LRIT3: variants seen among roughly 807,000 people sequenced by gnomAD.
The protein encoded by LRIT3 is leucine-rich repeat, immunoglobulin-like domain and transmembrane domain-containing protein 3.
Under a neutral mutation model 22.6 loss-of-function variants are expected in LRIT3, and 14 were observed. The ratio of observed to expected loss-of-function variants is 0.62; its 90% confidence interval spans 0.41 to 0.97. LRIT3 has a LOEUF of 0.97. Ranked by LOEUF, LRIT3 falls within the 50% of genes least tolerant of loss-of-function variation. The pLI is 0.00. For synonymous variants in LRIT3, 306 were observed against 304.5 expected, an observed-to-expected ratio of 1.01 and a Z score of -0.05; for missense variants, 783 against 803.0, an observed-to-expected ratio of 0.98 and a Z score of 0.30.
rs777093026 is a variant in LRIT3, at chr4:109,870,719, G to T, written c.1970G>T (p.Cys657Phe). Residue 657 changes from cysteine to phenylalanine, a missense_variant, in exon 4 of 4, where the codon TGT becomes TTT. By Grantham distance (205) the Cys-to-Phe change is radical. This residue lies in a region of LRIT3 where 756 missense variants were observed against 753.8 expected (regional missense o/e 1.00). Transcript: ENST00000594814. Reference sequence around the variant, plus strand: ...GATGACTCAGAGAAATTGCTGCTTTGTTCTAGGTCAAGTGTGGAATCTCAG... The same window carrying T: ...GATGACTCAGAGAAATTGCTGCTTTTTTCTAGGTCAAGTGTGGAATCTCAG... ...HRDDSEKLLL[C>F]SRSSVESQVT... 3.7e-6 allele frequency: 6 copies of T among 1,614,034 alleles called. No homozygotes were observed. In the South Asian group the frequency reaches 6.6e-5, roughly 18 times the overall value.
chr4:109,849,174 C>T (rs1734149095), intron 1 of LRIT3, among the ~76,000 whole-genome samples: 1 of 151,998 alleles, frequency 6.6e-6, no homozygotes, highest in Non-Finnish European at 1.5e-5. Context: ...ATAAATAAGA[C>T]ATATTTGTGA....
At chr4:109,861,125 T>C (rs1031159873) in intron 2 of LRIT3, among the ~76,000 whole-genome samples, 1 of 152,130 alleles carries the variant, frequency 6.6e-6, no homozygotes, top group Admixed American at 6.6e-5. Context: ...TCCCAACACT[T>C]TGGGAGGCGA....
chr4:109,871,042 T>C lies in LRIT3; in HGVS notation c.*253T>C, dbSNP rs1734822300. 1 of 330,830 alleles carries C rather than the reference T, an allele frequency of 3.0e-6. No individual in the cohort carries two copies. Among genetic ancestry groups the C allele is most frequent in the Non-Finnish European group, 5.4e-6 (1 of 184,642 alleles). The allele number at this position is 330,830 out of a possible 1,614,324, so 20.5% of individuals were successfully genotyped here. On this transcript the variant is annotated 3_prime_UTR_variant, in exon 4 of 4. Coordinates refer to ENST00000594814, the MANE Select transcript of LRIT3 (RefSeq NM_198506.5). Reference sequence around the variant, plus strand: ...GGTGCTTAATAAATTATTAATACTTTTTAGGGTAATGTTTTAGTTCTTAAA... The same window carrying C: ...GGTGCTTAATAAATTATTAATACTTCTTAGGGTAATGTTTTAGTTCTTAAA...
chr4:109,868,498 G>T (rs1056716958), intron 3 of LRIT3, among the ~76,000 whole-genome samples: 3 of 151,088 alleles, frequency 2.0e-5, no homozygotes, highest in Non-Finnish European at 4.4e-5. Flanking sequence ...TTGAATTTGG[G>T]GGGTGGAGGT....
At chr4:109,865,998 A>T (rs1484670471) in intron 2 of LRIT3, among the ~76,000 whole-genome samples, 1 of 152,224 alleles carries the variant, frequency 6.6e-6, no homozygotes, top group African/African-American at 2.4e-5. Context: ...GATTAACAAG[A>T]TTAAATATAA....
intron 2 of LRIT3, among the ~76,000 whole-genome samples, chr4:109,858,778 A>C (rs1214352845): frequency 6.6e-6 from 1 of 152,138 alleles, no homozygotes; most frequent in Non-Finnish European, 1.5e-5. Flanking sequence ...TGTAATTTTA[A>C]AGTTCTGTTA....
intron 1 of LRIT3, among the ~76,000 whole-genome samples, chr4:109,850,407 C>A (rs1430245066): frequency 6.1e-4 from 6 of 9,796 alleles, no homozygotes; most frequent in African/African-American, 8.8e-4. Context: ...TCCTTCCTTC[C>A]TTCCTTCCTT....
Position 109,870,344 on chromosome 4 carries a change from C to T in LRIT3, c.1595C>T (p.Ala532Val), listed in dbSNP as rs1320371768. The T allele has an allele frequency of 6.2e-7, 1 of 1,614,184 alleles. No individual in the cohort carries two copies. Among genetic ancestry groups the T allele is most frequent in the African/African-American group, 1.3e-5 (1 of 75,048 alleles). The change falls in exon 4 of 4, where the codon GCA becomes GTA. Residue 532 changes from alanine to valine, a missense_variant. Physicochemically the swap from Ala to Val is moderately conservative, Grantham distance 64 (BLOSUM62 0). Around this residue, in one of 2 missense-constraint regions of LRIT3, gnomAD observed 756 missense variants for 753.8 expected, o/e 1.00. Coordinates refer to ENST00000594814, the MANE Select transcript of LRIT3 (RefSeq NM_198506.5). The part of the protein sequence containing the change: ...YGGKDLLLLN[A>V]DSSKNQVTID... Reference sequence around the variant, plus strand: ...GGGAAGGACCTGCTGCTGTTGAATGCAGACTCCAGCAAGAACCAAGTAACC... The same window carrying T: ...GGGAAGGACCTGCTGCTGTTGAATGTAGACTCCAGCAAGAACCAAGTAACC...
chr4:109,850,410 C>CTTTCTTTCTTT (rs1328726520), intron 1 of LRIT3, among the ~76,000 whole-genome samples: 86 of 5,698 alleles, frequency 0.015, 3 homozygotes, highest in Non-Finnish European at 0.047. Flanking sequence ...TTCCTTCCTT[C>CTTTCTTTCTTT]CTTCCTTCCT....
chr4:109,865,211 A>G (rs1734646981), intron 2 of LRIT3: 1 of 1,506,958 alleles, frequency 6.6e-7, no homozygotes, highest in Middle Eastern at 1.7e-4. Flanking sequence ...GCAAGGTTGC[A>G]TCACCCAGGT....
In LRIT3 at chr4:109,869,478, C is replaced by T. The variant is rs6816185; in HGVS notation, c.896-167C>T. 0.2 allele frequency among the ~76,000 whole-genome samples: 30,042 copies of T among 151,996 alleles called. 3,518 individuals are homozygous for T. Among genetic ancestry groups the T allele is most frequent in the Admixed American group, 0.34 (5,121 of 15,248 alleles). On this transcript the variant is annotated intron_variant, in intron 3 of 3. Transcript: ENST00000594814. The stretch of plus-strand genomic sequence containing the variant: ...GGCAGGTCCTAGACCTTGATGTAAG[C>T]AGTTTGCAGAACTATCACCCACTGT...
At chr4:109,850,399 CTTCCTTCCTTCCTTCCTTCCTTCCTTTCT>C (rs1734191059) in intron 1 of LRIT3, among the ~76,000 whole-genome samples, 1 of 2,962 alleles carries the variant, frequency 3.4e-4, no homozygotes, top group African/African-American at 5.1e-4. Flanking sequence ...TCCTTCCTTC[CTTCCTTCCTTCCTTCCTTCCTTCCTTTCT>C]TTCTTTCTTT....
intron 2 of LRIT3, among the ~76,000 whole-genome samples, chr4:109,865,851 G>C (rs535555025): frequency 6.6e-6 from 1 of 152,094 alleles, no homozygotes; most frequent in African/African-American, 2.4e-5. Context: ...CAGCCCAGAC[G>C]TTAGGTTCCA....
intron 2 of LRIT3, among the ~76,000 whole-genome samples, chr4:109,858,411 T>G (rs1734456109): frequency 6.6e-6 from 1 of 152,158 alleles, no homozygotes; most frequent in Non-Finnish European, 1.5e-5. Context: ...GTTAGTTGTT[T>G]CCTGCTGTGG....
intron 2 of LRIT3, chr4:109,865,231 A>G (rs1156334184): frequency 1.9e-6 from 3 of 1,538,818 alleles, no homozygotes; most frequent in Non-Finnish European, 1.8e-6. Flanking sequence ...TCACAGAATT[A>G]ACTAATGGTT....
At chr4:109,867,303 G>A (rs1035906532) in intron 2 of LRIT3, among the ~76,000 whole-genome samples, 4 of 152,002 alleles carry the variant, frequency 2.6e-5, no homozygotes, top group Non-Finnish European at 4.4e-5. Context: ...TGAAGTCTGA[G>A]CTTCATCTTT....
chr4:109,855,992 G>A (rs904879952), intron 2 of LRIT3, among the ~76,000 whole-genome samples: 1 of 152,078 alleles, frequency 6.6e-6, no homozygotes. Flanking sequence ...ATATGAACAG[G>A]CACCCCTCAT....
At chr4:109,857,935 C>T (rs1158711702) in intron 2 of LRIT3, among the ~76,000 whole-genome samples, 1 of 150,188 alleles carries the variant, frequency 6.7e-6, no homozygotes, top group African/African-American at 2.5e-5. Flanking sequence ...TAATGAGAGC[C>T]CTGATACCAA....
At chr4:109,866,005 A>G (rs1734669801) in intron 2 of LRIT3, among the ~76,000 whole-genome samples, 1 of 152,222 alleles carries the variant, frequency 6.6e-6, no homozygotes, top group African/African-American at 2.4e-5. Flanking sequence ...AAGATTAAAT[A>G]TAAGAGGAAA....
Sources: gnomAD v4.1 joint callset for allele counts (sites outside exome capture counted in the v4.1 genomes callset) on GRCh38, gnomAD v4.1.1 for gene constraint, gnomAD v4.1.1 regional missense constraint, MANE v1.5 for transcripts, NCBI Gene and HGNC (gene_info 2026-07-23, HGNC 2026-07-21) for gene names.